Variants in BACH2 observed in about 807,000 individuals in gnomAD.
BACH2 encodes the protein BACH transcriptional regulator 2.
A neutral mutation model predicts 61.8 loss-of-function variants in BACH2; 5 were observed. That is an observed-to-expected ratio of 0.08 (90% CI 0.04 to 0.17). BACH2 has a LOEUF of 0.17. Ranked by LOEUF, BACH2 falls within the 10% of genes least tolerant of loss-of-function variation. The probability of loss-of-function intolerance (pLI) is 1.00; values close to 1 mark genes in which losing one functional copy is unlikely to be tolerated. For synonymous variants in BACH2, 446 were observed against 440.1 expected (o/e 1.01, Z -0.17); for missense variants, 824 against 1,091.1 (o/e 0.76, Z 3.45).
rs550013746 is a variant in BACH2, at chr6:89,937,207, G to T, written c.2043+937C>A. ...GCAGAACTGCAAAAGAAAGGACCCT[G>T]GGCCTGCAAAGAATGTCAGGAGATC... is the stretch of plus-strand genomic sequence containing the variant. On this transcript the variant is annotated intron_variant, in intron 8 of 8. Transcript: ENST00000257749. Among the ~76,000 whole-genome samples, 4 of 152,226 alleles carry T rather than the reference G, an allele frequency of 2.6e-5. No individual in the cohort carries two copies. In the South Asian group the frequency reaches 8.3e-4, roughly 32 times the overall value.
At chr6:89,994,944 G>T (rs1408576090) in intron 6 of BACH2, among the ~76,000 whole-genome samples, 1 of 152,136 alleles carries the variant, frequency 6.6e-6, no homozygotes, top group Non-Finnish European at 1.5e-5. Flanking sequence ...ACTCACATTT[G>T]TATTTTTAAC....
At chr6:90,059,311 A>G (rs7454300) in intron 5 of BACH2, among the ~76,000 whole-genome samples, 21,097 of 120,496 alleles carry the variant, frequency 0.18, 2,791 homozygotes, top group African/African-American at 0.46. Flanking sequence ...ACAAGTGGGC[A>G]AAGGATATGA....
intron 2 of BACH2, among the ~76,000 whole-genome samples, chr6:90,262,135 C>T (rs1231526312): frequency 6.6e-6 from 1 of 152,206 alleles, no homozygotes; most frequent in Non-Finnish European, 1.5e-5. Flanking sequence ...CCTTCATAAT[C>T]AGTTTTAGTC....
At chr6:90,096,598 A>C (rs1782390267) in intron 4 of BACH2, among the ~76,000 whole-genome samples, 1 of 152,228 alleles carries the variant, frequency 6.6e-6, no homozygotes, top group Non-Finnish European at 1.5e-5. Context: ...ACATGAATGA[A>C]GATCAGTGTT....
chr6:90,095,565 A>T lies in BACH2; in HGVS notation c.-161-6456T>A, dbSNP rs77103378. The stretch of plus-strand genomic sequence containing the variant: ...GTGTTTAAGTTCCCAAATACAACAA[A>T]GAGGTTATCAGATTTTCACTTCTAT... On this transcript the variant is annotated intron_variant, in intron 4 of 8. Transcript: ENST00000257749. 3.7e-3 allele frequency among the ~76,000 whole-genome samples: 560 copies of T among 152,302 alleles called. 5 individuals are homozygous for T. The highest frequency in any genetic ancestry group is 0.013 in the African/African-American group (539 of 41,564).
At chr6:90,199,968 C>T (rs1291440365) in intron 4 of BACH2, among the ~76,000 whole-genome samples, 1 of 152,128 alleles carries the variant, frequency 6.6e-6, no homozygotes, top group Non-Finnish European at 1.5e-5. Context: ...CATCTCACGG[C>T]CCTTTTACAG....
chr6:90,185,728 C>T (rs1768332938), intron 4 of BACH2, among the ~76,000 whole-genome samples: 1 of 152,168 alleles, frequency 6.6e-6, no homozygotes, highest in Non-Finnish European at 1.5e-5. Flanking sequence ...GAACCAACCA[C>T]GTTTATAAAA....
chr6:90,114,983 C>T (rs1348092807), intron 4 of BACH2, among the ~76,000 whole-genome samples: 1 of 151,988 alleles, frequency 6.6e-6, no homozygotes, highest in Non-Finnish European at 1.5e-5. Flanking sequence ...AAGATCTCTA[C>T]AATAAGAATT....
At chr6:90,276,677 G>C (rs1300561288) in intron 1 of BACH2, among the ~76,000 whole-genome samples, 5 of 152,142 alleles carry the variant, frequency 3.3e-5, no homozygotes, top group Admixed American at 3.3e-4. Context: ...TTGCATTATA[G>C]ATTTTGGAAT....
intron 5 of BACH2, among the ~76,000 whole-genome samples, chr6:90,019,147 A>T (rs1425242220): frequency 1.3e-5 from 2 of 152,210 alleles, no homozygotes; most frequent in African/African-American, 4.8e-5. Context: ...GTATAAGGAA[A>T]CACTCAAAAC....
At chr6:90,062,202 A>T (rs540652173) in intron 5 of BACH2, among the ~76,000 whole-genome samples, 1 of 152,312 alleles carries the variant, frequency 6.6e-6, no homozygotes, top group East Asian at 1.9e-4. Context: ...GACCTACAAG[A>T]CAGAAGGGCT....
chr6:90,195,592 C>A (rs758727770), intron 4 of BACH2, among the ~76,000 whole-genome samples: 2 of 152,160 alleles, frequency 1.3e-5, no homozygotes, highest in Non-Finnish European at 2.9e-5. Context: ...GTGTAACAAT[C>A]AGCGCACTTT....
intron 5 of BACH2, among the ~76,000 whole-genome samples, chr6:90,043,299 T>C (rs1252642173): frequency 6.6e-6 from 1 of 152,200 alleles, no homozygotes; most frequent in Admixed American, 6.5e-5. Context: ...GATTGGGTCA[T>C]GAGGGTTCTG....
Position 89,931,227 on chromosome 6 carries a change from G to A in BACH2, c.*1181C>T, listed in dbSNP as rs919024057. The A allele has an allele frequency of 6.6e-6, 1 of 152,320 alleles. No individual in the cohort carries two copies. Among genetic ancestry groups the A allele is most frequent in the African/African-American group, 2.4e-5 (1 of 41,446 alleles). The allele number at this position is 152,320 out of a possible 1,614,324, so 9.4% of individuals were successfully genotyped here. A position where few individuals can be genotyped will look rare whatever the true frequency, so the allele number is the denominator to read the frequency against. ...CTGTTTTTCTGATGTACTTTTGAGT[G>A]AGATGTCCAAACTCTCTCCCCACTT... On this transcript the variant is annotated 3_prime_UTR_variant, in exon 9 of 9. Transcript: ENST00000257749.
At chr6:90,103,141 T>C (rs1468955746) in intron 4 of BACH2, among the ~76,000 whole-genome samples, 1 of 150,544 alleles carries the variant, frequency 6.6e-6, no homozygotes, top group African/African-American at 2.5e-5. Context: ...AGTCACTGAT[T>C]TGAGCATGCA....
chr6:89,978,868 TACTTAAATC>T (rs1054766453), intron 6 of BACH2, among the ~76,000 whole-genome samples: 6 of 152,196 alleles, frequency 3.9e-5, no homozygotes, highest in Admixed American at 6.5e-5. Context: ...AAGCTGTATG[TACTTAAATC>T]CGAATGGCAG....
chr6:90,064,352 C>T (rs145370002), intron 5 of BACH2, among the ~76,000 whole-genome samples: 12 of 152,234 alleles, frequency 7.9e-5, no homozygotes, highest in South Asian at 6.2e-4. Context: ...AGATACCCTA[C>T]GCAGAAAGGA....
rs73752891 is a variant in BACH2, at chr6:90,157,543, G to T, written c.-162+49026C>A. ...TAGCCCACAGCTCACTGATATCCTC[G>T]AGGGCCTGGGTTCTTTCCATCTTTC... is the stretch of plus-strand genomic sequence containing the variant. On this transcript the variant is annotated intron_variant, in intron 4 of 8. Coordinates refer to ENST00000257749, the MANE Select transcript of BACH2 (RefSeq NM_021813.4). 4.8e-3 allele frequency among the ~76,000 whole-genome samples: 724 copies of T among 152,284 alleles called. 2 individuals carry two copies. Among genetic ancestry groups the T allele is most frequent in the African/African-American group, 0.017 (687 of 41,562 alleles).
chr6:90,282,944 G>A (rs776321686), intron 1 of BACH2, among the ~76,000 whole-genome samples: 2 of 152,172 alleles, frequency 1.3e-5, no homozygotes, highest in Admixed American at 6.5e-5. Flanking sequence ...ATTGTTTTCC[G>A]ATATAATTGT....
Sources: gnomAD v4.1 joint callset for allele counts (sites outside exome capture counted in the v4.1 genomes callset) on GRCh38, gnomAD v4.1.1 for gene constraint, MANE v1.5 for transcripts, NCBI Gene and HGNC (gene_info 2026-07-23, HGNC 2026-07-21) for gene names.